Variants in PRR11 observed in about 807,000 individuals in gnomAD.
The protein encoded by PRR11 is proline-rich protein 11.
In PRR11, 30 loss-of-function variants were observed where a neutral mutation model predicts 45.6. The observed-to-expected ratio is 0.66, with a 90% CI of 0.49 to 0.89. The LOEUF (loss-of-function observed/expected upper bound fraction) is 0.89, where lower values mean the gene tolerates loss of function less well. Ranked by LOEUF, PRR11 falls within the 40% of genes least tolerant of loss-of-function variation. The probability of loss-of-function intolerance (pLI) is 0.00; values close to 1 mark genes in which losing one functional copy is unlikely to be tolerated. For missense variants in PRR11, 373 were observed against 424.8 expected (o/e 0.88, Z 1.07); for synonymous variants, 128 against 153.5 (o/e 0.83, Z 1.23).
chr17:59,187,796 C>T (rs536893185), intron 4 of PRR11, among the ~76,000 whole-genome samples: 21 of 148,352 alleles, frequency 1.4e-4, no homozygotes, highest in South Asian at 6.4e-4. Context: ...ACCCGGGAGG[C>T]GGAGGTTGCA....
Sources: allele counts gnomAD v4.1 joint callset (sites outside exome capture counted in the v4.1 genomes callset), GRCh38; gene constraint gnomAD v4.1.1; transcripts MANE v1.5; gene names NCBI Gene and HGNC (gene_info 2026-07-23, HGNC 2026-07-21).